GPHN: variants seen among roughly 807,000 people sequenced by gnomAD.
GPHN encodes gephyrin.
GPHN carries 17 observed loss-of-function variants against 95.5 expected under a neutral mutation model. The observed-to-expected ratio is 0.18, with a 90% CI of 0.12 to 0.27. The LOEUF is 0.27. GPHN is among the 10% of genes least tolerant of loss of function. The probability of loss-of-function intolerance (pLI) is 1.00; values close to 1 mark genes in which losing one functional copy is unlikely to be tolerated. For missense variants in GPHN, 660 were observed against 978.1 expected (o/e 0.67, Z 4.34); for synonymous variants, 320 against 322.5 (o/e 0.99, Z 0.08).
the GPHN span, chr14:67,729,419 G>A: frequency 1.9e-6 from 3 of 1,574,656 alleles, no homozygotes; most frequent in Admixed American, 5.0e-5. Flanking sequence ...CCACCTGTGT[G>A]CATGGGAGGT....
At chr14:67,732,447 C>G in the GPHN span, among the ~76,000 whole-genome samples, 4 of 146,682 alleles carry the variant, frequency 2.7e-5, no homozygotes, top group Admixed American at 2.7e-4. Flanking sequence ...AAAAAAAAAT[C>G]CTCCTCAAAC....
chr14:67,119,431 A>C (rs2078881549), intron 16 of GPHN, among the ~76,000 whole-genome samples: 1 of 152,176 alleles, frequency 6.6e-6, no homozygotes, highest in African/African-American at 2.4e-5. Flanking sequence ...CAAGGAAGAG[A>C]TGGATTAGAA....
At chr14:67,320,155 A>G in the GPHN span, 1 of 1,365,394 alleles carries the variant, frequency 7.3e-7, no homozygotes, top group Non-Finnish European at 9.8e-7. Context: ...ATTTTGGGTG[A>G]AGATCTATGA....
the GPHN span, among the ~76,000 whole-genome samples, chr14:67,521,971 T>C: frequency 5.9e-5 from 9 of 152,048 alleles, no homozygotes; most frequent in South Asian, 1.7e-3. Flanking sequence ...GGTCAAGAGT[T>C]CAATATCAGC....
the GPHN span, among the ~76,000 whole-genome samples, chr14:67,661,425 C>T: frequency 0.04 from 6,048 of 151,326 alleles, 353 homozygotes; most frequent in African/African-American, 0.13. Flanking sequence ...GCCTGAGGTA[C>T]CAACTCCAGC....
intron 1 of GPHN, among the ~76,000 whole-genome samples, chr14:66,658,476 T>A (rs2065441464): frequency 6.6e-6 from 1 of 152,164 alleles, no homozygotes; most frequent in South Asian, 2.1e-4. Flanking sequence ...CAGAGAAGTA[T>A]TTTGTCAAAG....
intron 1 of GPHN, among the ~76,000 whole-genome samples, chr14:66,653,269 C>T (rs1264374887): frequency 6.6e-6 from 1 of 152,136 alleles, no homozygotes; most frequent in African/African-American, 2.4e-5. Flanking sequence ...TTTCTGGCTG[C>T]ATTTAGTCAG....
At chr14:67,356,459 A>G in the GPHN span, among the ~76,000 whole-genome samples, 2 of 151,454 alleles carry the variant, frequency 1.3e-5, no homozygotes, top group African/African-American at 2.4e-5. Context: ...AAAAACAAAC[A>G]AACACCATTT....
chr14:66,684,167 C>T (rs1379101228), intron 2 of GPHN, among the ~76,000 whole-genome samples: 1 of 151,926 alleles, frequency 6.6e-6, no homozygotes, highest in Admixed American at 6.6e-5. Context: ...TATGACTCAC[C>T]CATTTGAGCT....
intron 11 of GPHN, among the ~76,000 whole-genome samples, chr14:67,082,856 A>T (rs2076745316): frequency 6.6e-6 from 1 of 152,182 alleles, no homozygotes; most frequent in Non-Finnish European, 1.5e-5. Flanking sequence ...GTATAGATGT[A>T]CCACAGATAT....
chr14:67,577,788 T>G, the GPHN span, among the ~76,000 whole-genome samples: 1 of 152,180 alleles, frequency 6.6e-6, no homozygotes, highest in Non-Finnish European at 1.5e-5. Context: ...TTAAGGAATT[T>G]GTCTTGTTTA....
chr14:67,361,676 G>T, the GPHN span, among the ~76,000 whole-genome samples: 2 of 152,144 alleles, frequency 1.3e-5, no homozygotes, highest in East Asian at 3.8e-4. Context: ...GACTATGCAG[G>T]GTATTTGAAA....
the GPHN span, chr14:67,735,320 G>A: frequency 1.4e-5 from 11 of 801,348 alleles, no homozygotes; most frequent in African/African-American, 5.0e-5. Flanking sequence ...TGTCTCGCCC[G>A]ACACCAAAAG....
chr14:66,799,427 C>T (rs1184293311), intron 3 of GPHN, among the ~76,000 whole-genome samples: 2 of 151,890 alleles, frequency 1.3e-5, no homozygotes, highest in Non-Finnish European at 2.9e-5. Context: ...TCTCCAGCTA[C>T]TATTGTGTTG....
chr14:66,973,479 C>T (rs975503512), intron 9 of GPHN, among the ~76,000 whole-genome samples: 1 of 152,204 alleles, frequency 6.6e-6, no homozygotes, highest in East Asian at 1.9e-4. Flanking sequence ...AAGAAATAGG[C>T]CAGACGTGGT....
chr14:67,395,313 G>T, the GPHN span: 2 of 1,156,378 alleles, frequency 1.7e-6, no homozygotes, highest in East Asian at 2.3e-5. Flanking sequence ...TGTGCAGCAA[G>T]CACAGAGCCC....
the GPHN span, among the ~76,000 whole-genome samples, chr14:67,487,523 T>TGG: frequency 1.3e-5 from 2 of 152,228 alleles, no homozygotes; most frequent in African/African-American, 2.4e-5. Flanking sequence ...CACCCTGTAG[T>TGG]GGGTACATCT....
intron 1 of GPHN, among the ~76,000 whole-genome samples, chr14:66,561,579 G>A (rs376829262): frequency 1.2e-3 from 181 of 152,098 alleles, no homozygotes; most frequent in African/African-American, 4.0e-3. Context: ...AGGGTACCCA[G>A]GTTTACACAA....
chr14:67,527,239 A>C, the GPHN span, among the ~76,000 whole-genome samples: 1 of 152,180 alleles, frequency 6.6e-6, no homozygotes, highest in Non-Finnish European at 1.5e-5. Flanking sequence ...CTTGCTTGCT[A>C]TCTGAGCTTA....
Sources: allele counts gnomAD v4.1 joint callset (sites outside exome capture counted in the v4.1 genomes callset), GRCh38; gene constraint gnomAD v4.1.1; transcripts MANE v1.5; gene names NCBI Gene and HGNC (gene_info 2026-07-23, HGNC 2026-07-21).